Variants in SYCP1 observed in about 807,000 individuals in gnomAD.
SYCP1 encodes synaptonemal complex protein 1, also known as cancer/testis antigen 8.
In SYCP1, 64 loss-of-function variants were observed where a neutral mutation model predicts 153.1. That is an observed-to-expected ratio of 0.42 (90% CI 0.34 to 0.51). The LOEUF is 0.51. Ranked by LOEUF, SYCP1 falls within the 20% of genes least tolerant of loss-of-function variation. The pLI, the probability that SYCP1 is intolerant of heterozygous loss-of-function variation, is 0.06. For synonymous variants in SYCP1, 384 were observed against 341.8 expected, an observed-to-expected ratio of 1.12 and a Z score of -1.36; for missense variants, 997 against 1,049.0, an observed-to-expected ratio of 0.95 and a Z score of 0.68.
chr1:114,860,284 G>C (rs190690091), intron 7 of SYCP1, among the ~76,000 whole-genome samples: 2 of 152,256 alleles, frequency 1.3e-5, no homozygotes, highest in Non-Finnish European at 2.9e-5. Flanking sequence ...ATAGCCACAG[G>C]TCTCATCATT....
At chr1:114,913,816 A>C (rs1248752323) in intron 19 of SYCP1, among the ~76,000 whole-genome samples, 159 bp from the exon 20 acceptor site, 1 of 152,128 alleles carries the variant, frequency 6.6e-6, no homozygotes, top group Non-Finnish European at 1.5e-5. Flanking sequence ...AGTAAGGCTT[A>C]AAAAAGTAGT....
At chr1:114,910,253 C>T (rs367716846) in intron 16 of SYCP1, 144 bp from the exon 17 acceptor site, 2 of 527,692 alleles carry the variant, frequency 3.8e-6, no homozygotes, top group Non-Finnish European at 6.9e-6. Flanking sequence ...TTTGAATTTA[C>T]TTAATATTGA....
intron 27 of SYCP1, among the ~76,000 whole-genome samples, chr1:114,956,358 G>A (rs1462751497): frequency 1.3e-5 from 2 of 152,172 alleles, no homozygotes; most frequent in Non-Finnish European, 2.9e-5. Context: ...AATGGGATAG[G>A]CATTCCAACC....
chr1:114,975,373 A>T (rs1394515645), intron 27 of SYCP1, among the ~76,000 whole-genome samples: 5 of 149,014 alleles, frequency 3.4e-5, no homozygotes, highest in Non-Finnish European at 7.5e-5. Context: ...ACTTTGGTTG[A>T]TTTGGAAGGT....
intron 11 of SYCP1, among the ~76,000 whole-genome samples, chr1:114,877,758 T>G (rs1570682131): frequency 6.6e-6 from 1 of 152,350 alleles, no homozygotes; most frequent in Middle Eastern, 3.4e-3. Context: ...GATGGCATTC[T>G]GGAGCTGAAT....
At chr1:114,993,897 G>A (rs1176068964) in intron 30 of SYCP1, among the ~76,000 whole-genome samples, 1 of 149,682 alleles carries the variant, frequency 6.7e-6, no homozygotes, top group African/African-American at 2.5e-5. Flanking sequence ...TTTCCCCCAG[G>A]CCCTGGCAGT....
At position 114,895,452 on chromosome 1, in the gene SYCP1, G is replaced by C; in HGVS notation, c.1263G>C (p.Glu421Asp). 2 of 1,514,644 alleles carry C rather than the reference G, an allele frequency of 1.3e-6. No individual in the cohort carries two copies. The highest frequency in any genetic ancestry group is 1.8e-6 in the Non-Finnish European group (2 of 1,116,874). 93.8% of individuals were successfully genotyped at this position (1,514,644 alleles called of 1,614,324 possible). A position where few individuals can be genotyped will look rare whatever the true frequency, so the allele number is the denominator to read the frequency against. The change falls in exon 16 of 32, where the codon GAG (glutamate) becomes GAC (aspartate). Residue 421 changes from glutamate (E) to aspartate (D), a missense_variant. Around this residue, in one of 2 missense-constraint regions of SYCP1, gnomAD observed 712 missense variants for 682.9 expected, o/e 1.04. Transcript: ENST00000369522. ...ELQKKSSELE[E>D]MTKLTNNKEV... ...TTTTTTTTTTGCTCATTTTAGAAGA[G>C]ATGACTAAGCTTACAAATAACAAAG...
In SYCP1 at chr1:114,881,054, T is replaced by TACACACAC. The variant is rs199813501; in HGVS notation, c.910+2853_910+2854insCACACACA. Among the ~76,000 whole-genome samples the TACACACAC allele has an allele frequency of 5.9e-4, 46 of 77,948 alleles. 1 individual carries two copies. The highest frequency in any genetic ancestry group is 2.6e-3 in the East Asian group (10 of 3,862). The allele number at this position is 77,948 out of a possible 152,430, so 51.1% of individuals were successfully genotyped here. A position where few individuals can be genotyped will look rare whatever the true frequency, so the allele number is the denominator to read the frequency against. ...GCTGAACAGTATTCCAATTTGTGTA[T>TACACACAC]ATACACACACACACACACACACACA... On this transcript the variant is annotated intron_variant, in intron 12 of 31. Coordinates refer to ENST00000369522, the MANE Select transcript of SYCP1 (RefSeq NM_003176.4).
chr1:114,965,184 G>C lies in SYCP1; in HGVS notation c.2323-12373G>C, dbSNP rs1672039430. On this transcript the variant is annotated intron_variant, in intron 27 of 31. Transcript: ENST00000369522. ...TTGTCTGTTATTGGTGTATAAGAAT[G>C]CTTGTGATTTTTGTACATTGATTTT... is the stretch of plus-strand genomic sequence containing the variant. 2.0e-5 allele frequency among the ~76,000 whole-genome samples: 3 copies of C among 152,314 alleles called. 1 individual carries two copies. Among genetic ancestry groups the C allele is most frequent in the South Asian group, 4.1e-4 (2 of 4,828 alleles).
intron 30 of SYCP1, among the ~76,000 whole-genome samples, chr1:114,990,449 T>G (rs559206386): frequency 1.3e-5 from 2 of 151,864 alleles, no homozygotes; most frequent in South Asian, 2.1e-4. Context: ...AAGAGCAAAC[T>G]AAACTCAAAC....
intron 20 of SYCP1, among the ~76,000 whole-genome samples, chr1:114,920,839 C>A (rs747781344): frequency 6.6e-6 from 1 of 151,704 alleles, no homozygotes. Context: ...TTTCTTTTAC[C>A]GTTCCTATAT....
chr1:114,981,207 G>A, intron 28 of SYCP1, 129 bp from the exon 29 acceptor site: 2 of 651,476 alleles, frequency 3.1e-6, no homozygotes, highest in Non-Finnish European at 5.1e-6. Flanking sequence ...TATCTAGTCA[G>A]TGATAAATTT....
In SYCP1 at chr1:114,923,518, G is replaced by C. The variant is rs200806574; in HGVS notation, c.1788G>C (p.Lys596Asn). 6.3e-7 allele frequency: 1 copy of C among 1,588,404 alleles called. No homozygotes were observed. The highest frequency in any genetic ancestry group is 8.6e-7 in the Non-Finnish European group (1 of 1,164,120). The part of the protein sequence containing the change: ...KRDEVKCKLD[K>N]SEENCNNLRK... ...ATGAAGTTAAATGTAAATTGGACAAGAGTGAAGAAAATGTATGTTATATTT... is the reference window on the plus strand; with the variant it reads ...ATGAAGTTAAATGTAAATTGGACAACAGTGAAGAAAATGTATGTTATATTT... Residue 596 changes from lysine (K) to asparagine (N), a missense_variant, in exon 21 of 32, where the codon AAG becomes AAC. Lys to Asn is a moderately conservative substitution (Grantham distance 94). Transcript: ENST00000369522.
intron 11 of SYCP1, 46 bp downstream of exon 11, chr1:114,876,856 C>A: frequency 9.0e-7 from 1 of 1,105,048 alleles, no homozygotes; most frequent in South Asian, 2.9e-5. Flanking sequence ...TTTGCTAATT[C>A]ATTAAAAACT....
intron 5 of SYCP1, among the ~76,000 whole-genome samples, chr1:114,858,131 C>A (rs1475742751): frequency 2.6e-5 from 4 of 152,130 alleles, no homozygotes; most frequent in Non-Finnish European, 2.9e-5. Context: ...ATCTTGTCTT[C>A]ACTTTTATTT....
intron 16 of SYCP1, among the ~76,000 whole-genome samples, chr1:114,904,179 C>T (rs1667666313): frequency 6.7e-6 from 1 of 148,906 alleles, no homozygotes; most frequent in African/African-American, 2.5e-5. Context: ...TGCAGTGGTG[C>T]GATCTTGGCT....
intron 14 of SYCP1, among the ~76,000 whole-genome samples, chr1:114,886,832 A>G (rs1471507140): frequency 2.6e-5 from 4 of 152,062 alleles, no homozygotes; most frequent in South Asian, 2.1e-4. Context: ...ATGTGATTAC[A>G]TAAAAAATAA....
chr1:114,900,425 C>T (rs527266382), intron 16 of SYCP1, among the ~76,000 whole-genome samples: 9 of 152,106 alleles, frequency 5.9e-5, no homozygotes, highest in South Asian at 4.2e-4. Context: ...GGATTATAGG[C>T]GCCCACCACC....
intron 13 of SYCP1, 86 bp downstream of exon 13, chr1:114,885,715 C>A: frequency 1.3e-6 from 1 of 766,506 alleles, no homozygotes; most frequent in South Asian, 2.1e-5. Context: ...ATACAATGTA[C>A]AAGGACCTGG....
Sources: allele counts gnomAD v4.1 joint callset (sites outside exome capture counted in the v4.1 genomes callset), GRCh38; gene constraint gnomAD v4.1.1; regional missense constraint gnomAD v4.1.1; transcripts MANE v1.5; gene names NCBI Gene and HGNC (gene_info 2026-07-23, HGNC 2026-07-21).